Variants in NELL2 observed in about 807,000 individuals in gnomAD.
The protein encoded by NELL2 is protein kinase C-binding protein NELL2.
Under a neutral mutation model 109.6 loss-of-function variants are expected in NELL2, and 41 were observed. That is an observed-to-expected ratio of 0.37 (90% CI 0.29 to 0.49). NELL2 has a LOEUF of 0.49. NELL2 is among the 20% of genes least tolerant of loss of function. The probability of loss-of-function intolerance (pLI) is 0.98; values close to 1 mark genes in which losing one functional copy is unlikely to be tolerated. For missense variants in NELL2, 900 were observed against 1,008.3 expected, an observed-to-expected ratio of 0.89 and a Z score of 1.45; for synonymous variants, 355 against 344.7, an observed-to-expected ratio of 1.03 and a Z score of -0.33.
At chr12:44,642,198 C>A (rs1449439412) in intron 13 of NELL2, among the ~76,000 whole-genome samples, 2 of 152,080 alleles carry the variant, frequency 1.3e-5, no homozygotes, top group Non-Finnish European at 2.9e-5. Context: ...ACCATCTAGG[C>A]AAGGGTTCAC....
intron 13 of NELL2, among the ~76,000 whole-genome samples, chr12:44,658,810 G>A (rs574685184): frequency 6.8e-6 from 1 of 147,174 alleles, no homozygotes; most frequent in Non-Finnish European, 1.5e-5. Flanking sequence ...CTGGGGGCTG[G>A]AGCCTGCAGT....
chr12:44,672,410 C>T (rs11182604), intron 12 of NELL2, among the ~76,000 whole-genome samples: 4 of 152,128 alleles, frequency 2.6e-5, no homozygotes, highest in Admixed American at 1.3e-4. Flanking sequence ...TGACTAATGC[C>T]TGATGATCTG....
At chr12:44,511,654 A>G (rs1941007684) in intron 19 of NELL2, among the ~76,000 whole-genome samples, 1 of 152,236 alleles carries the variant, frequency 6.6e-6, no homozygotes, top group African/African-American at 2.4e-5. Flanking sequence ...GAGATTCTAA[A>G]GAGCAAATCA....
chr12:44,870,834 T>G (rs1377493922), intron 2 of NELL2, among the ~76,000 whole-genome samples: 2 of 152,164 alleles, frequency 1.3e-5, no homozygotes, highest in Non-Finnish European at 2.9e-5. Context: ...ATGAGCAAAC[T>G]TAACTTCCCC....
intron 9 of NELL2, among the ~76,000 whole-genome samples, chr12:44,748,110 A>G (rs1034702849): frequency 1.3e-5 from 2 of 152,184 alleles, no homozygotes; most frequent in Non-Finnish European, 2.9e-5. Context: ...AGAGTAAATT[A>G]GCTGCACTTA....
At chr12:44,509,540 C>A (rs904985917) in intron 19 of NELL2, among the ~76,000 whole-genome samples, 2 of 152,050 alleles carry the variant, frequency 1.3e-5, no homozygotes, top group Non-Finnish European at 2.9e-5. Flanking sequence ...GGGATCAGTG[C>A]CCTTACAAAA....
chr12:44,659,799 C>G (rs1285444143), intron 13 of NELL2, among the ~76,000 whole-genome samples: 1 of 151,988 alleles, frequency 6.6e-6, no homozygotes. Context: ...AACAAAAACT[C>G]AAGTATCTAG....
intron 15 of NELL2, among the ~76,000 whole-genome samples, chr12:44,537,016 CAA>C (rs34872244): frequency 1.3e-4 from 14 of 107,744 alleles, no homozygotes; most frequent in Non-Finnish European, 1.9e-4. Context: ...AAACAAAAAC[CAA>C]AAAAAAAAAA....
chr12:44,515,091 A>G (rs1305894420), intron 19 of NELL2, among the ~76,000 whole-genome samples: 1 of 151,770 alleles, frequency 6.6e-6, no homozygotes, highest in African/African-American at 2.4e-5. Flanking sequence ...TAAAATATAG[A>G]TAGGACAAAT....
intron 15 of NELL2, among the ~76,000 whole-genome samples, chr12:44,581,609 T>C (rs1296355608): frequency 6.6e-6 from 1 of 152,018 alleles, no homozygotes; most frequent in Non-Finnish European, 1.5e-5. Flanking sequence ...TTTTAACTAC[T>C]TCTCTTTATA....
intron 3 of NELL2, among the ~76,000 whole-genome samples, chr12:44,791,211 TA>T (rs1942416659): frequency 1.2e-5 from 1 of 81,170 alleles, no homozygotes; most frequent in Non-Finnish European, 2.5e-5. Flanking sequence ...TATATATATA[TA>T]TATATATATA....
intron 8 of NELL2, 21 bp downstream of exon 8, chr12:44,776,001 C>T: frequency 6.2e-7 from 1 of 1,607,754 alleles, no homozygotes; most frequent in East Asian, 2.2e-5. Context: ...CCCTTAGTCT[C>T]AACTCAAATA....
chr12:44,669,501 G>T (rs532294359), intron 12 of NELL2, among the ~76,000 whole-genome samples: 183 of 151,846 alleles, frequency 1.2e-3, no homozygotes, highest in African/African-American at 4.3e-3. Context: ...AAGAAATCAG[G>T]GAAACAAGTC....
chr12:44,897,753 G>A (rs1251030284), intron 1 of NELL2, among the ~76,000 whole-genome samples: 1 of 151,906 alleles, frequency 6.6e-6, no homozygotes, highest in African/African-American at 2.4e-5. Context: ...TGCCTGGAAT[G>A]CCCCCGAGAC....
chr12:44,608,275 T>G (rs1018243453), intron 14 of NELL2, among the ~76,000 whole-genome samples: 1 of 151,990 alleles, frequency 6.6e-6, no homozygotes, highest in Non-Finnish European at 1.5e-5. Context: ...TTTTTCAGAG[T>G]AATAAAATGT....
chr12:44,875,623 G>T (rs1373517974), intron 1 of NELL2, 192 bp downstream of exon 1: 1 of 1,609,478 alleles, frequency 6.2e-7, no homozygotes, highest in African/African-American at 1.3e-5. Flanking sequence ...GACTAGGGGC[G>T]TGATCCGCCT....
intron 12 of NELL2, among the ~76,000 whole-genome samples, chr12:44,682,019 T>C (rs1213610227): frequency 6.6e-6 from 1 of 151,736 alleles, no homozygotes; most frequent in African/African-American, 2.4e-5. Context: ...ATTGAACTAG[T>C]TTACAGTCCC....
At chr12:44,819,204 G>A (rs1943460984) in intron 2 of NELL2, among the ~76,000 whole-genome samples, 1 of 152,140 alleles carries the variant, frequency 6.6e-6, no homozygotes, top group East Asian at 1.9e-4. Context: ...AACTGTAGGT[G>A]AAGGGAAACT....
intron 12 of NELL2, among the ~76,000 whole-genome samples, chr12:44,670,460 C>A: frequency 6.6e-6 from 1 of 151,440 alleles, no homozygotes. Context: ...GACAGAAATC[C>A]CCACCTATTA....
Sources: allele counts gnomAD v4.1 joint callset (sites outside exome capture counted in the v4.1 genomes callset), GRCh38; gene constraint gnomAD v4.1.1; transcripts MANE v1.5; gene names NCBI Gene and HGNC (gene_info 2026-07-23, HGNC 2026-07-21).